Variants in PCDHA4 observed in about 807,000 individuals in gnomAD.
PCDHA4 encodes the protein protocadherin alpha 4, also known as protocadherin alpha-4.
In PCDHA4, 49 loss-of-function variants were observed where a neutral mutation model predicts 61.4. The ratio of observed to expected loss-of-function variants is 0.80; its 90% CI spans 0.63 to 1.01. The LOEUF (loss-of-function observed/expected upper bound fraction) is 1.01, where lower values mean the gene tolerates loss of function less well. Among genes scored for constraint, PCDHA4 ranks in the 50% least tolerant of loss-of-function variants. PCDHA4 has a pLI of 0.00. For synonymous variants in PCDHA4, 590 were observed against 550.3 expected (o/e 1.07, Z -1.01); for missense variants, 1,254 against 1,235.8 (o/e 1.01, Z -0.22).
chr5:140,947,194 G>A (rs2094102779), intron 1 of PCDHA4, among the ~76,000 whole-genome samples: 1 of 151,018 alleles, frequency 6.6e-6, no homozygotes, highest in Admixed American at 6.6e-5. Context: ...ATACTACACA[G>A]CCTTAAAAAA....
Position 140,956,847 on chromosome 5 carries a change from T to G in PCDHA4, c.2386-22102T>G, listed in dbSNP as rs138847680. Among the ~76,000 whole-genome samples the G allele has an allele frequency of 1.6e-4, 24 of 152,262 alleles. 1 individual carries two copies. The East Asian group carries it at 4.6e-3, about 29-fold the overall frequency. ...AATTTAATATTTTTAAATCTTGGGT[T>G]AAATGGTTGAATGAATGTGTGAAAA... On this transcript the variant is annotated intron_variant, in intron 1 of 3. Transcript: ENST00000530339.
chr5:141,004,682 T>G (rs1002761253), intron 3 of PCDHA4, among the ~76,000 whole-genome samples: 2 of 152,184 alleles, frequency 1.3e-5, no homozygotes, highest in South Asian at 4.1e-4. Flanking sequence ...TGTGGAGTGG[T>G]GCTGAAACCC....
At chr5:140,856,784 T>C in intron 1 of PCDHA4, 2 of 1,596,522 alleles carry the variant, frequency 1.3e-6, no homozygotes, top group Non-Finnish European at 1.7e-6. Flanking sequence ...CAGACCGGTT[T>C]ATGAAGTTAA....
intron 1 of PCDHA4, chr5:140,811,754 T>C (rs1241083034): frequency 6.6e-6 from 1 of 152,384 alleles, no homozygotes; most frequent in East Asian, 1.9e-4. Flanking sequence ...TGACCAGTGA[T>C]GATGGGCATT....
At chr5:140,833,928 T>C (rs954480952) in intron 1 of PCDHA4, among the ~76,000 whole-genome samples, 1 of 152,174 alleles carries the variant, frequency 6.6e-6, no homozygotes, top group Admixed American at 6.6e-5. Context: ...TAAATTCATG[T>C]TGTCACTTAG....
intron 1 of PCDHA4, chr5:140,867,134 T>C (rs1162274165): frequency 6.6e-6 from 1 of 152,178 alleles, no homozygotes; most frequent in Non-Finnish European, 1.5e-5. Context: ...AAATATGTGA[T>C]ATTATCATTT....
intron 1 of PCDHA4, among the ~76,000 whole-genome samples, chr5:140,954,899 T>C (rs2095107956): frequency 6.6e-6 from 1 of 152,196 alleles, no homozygotes; most frequent in South Asian, 2.1e-4. Flanking sequence ...GTTTTTATAG[T>C]TTCATACTTT....
At chr5:140,928,298 C>T in intron 1 of PCDHA4, 2 of 1,614,128 alleles carry the variant, frequency 1.2e-6, no homozygotes, top group South Asian at 1.1e-5. Context: ...CGAGTGTTTG[C>T]CCAGGACCCC....
intron 1 of PCDHA4, chr5:140,883,758 G>A (rs781858673): frequency 3.1e-6 from 5 of 1,612,920 alleles, no homozygotes; most frequent in South Asian, 1.1e-5. Context: ...CTGGTGGAGC[G>A]GCGGGTGGGC....
intron 1 of PCDHA4, among the ~76,000 whole-genome samples, chr5:140,937,993 G>A (rs1554211932): frequency 6.6e-6 from 1 of 151,358 alleles, no homozygotes. Flanking sequence ...TGTTAACTTT[G>A]TATCCAATGT....
chr5:140,865,091 A>G (rs1010954942), intron 1 of PCDHA4: 3 of 152,218 alleles, frequency 2.0e-5, no homozygotes, highest in Non-Finnish European at 4.4e-5. Context: ...GATATTAATA[A>G]AGGCACTTCC....
At position 140,968,456 on chromosome 5, in the gene PCDHA4, A is replaced by G. The variant is rs782476018; in HGVS notation, c.2386-10493A>G. ...GAGCCCACCACTGAGCAGCACTGTG[A>G]CTGCCAACGTATATGTGGTGGACAT... On this transcript the variant is annotated intron_variant, in intron 1 of 3. Transcript: ENST00000530339. 82 of 1,613,964 alleles carry G rather than the reference A, an allele frequency of 5.1e-5. No individual in the cohort carries two copies. Among genetic ancestry groups the G allele is most frequent in the Non-Finnish European group, 6.2e-5 (73 of 1,180,022 alleles).
chr5:140,855,103 T>C lies in PCDHA4; in HGVS notation c.2385+45531T>C. Among the ~76,000 whole-genome samples, 2 of 149,938 alleles carry C rather than the reference T, an allele frequency of 1.3e-5. 1 individual carries two copies. The highest frequency in any genetic ancestry group is 3.0e-5 in the Non-Finnish European group (2 of 67,096). On this transcript the variant is annotated intron_variant, in intron 1 of 3. Coordinates refer to ENST00000530339, the MANE Select transcript of PCDHA4 (RefSeq NM_018907.4). ...CCACTCTCAGCCTGTGCAGTAGCAA[T>C]AATTAAGGCATTCTATAGGTAATAA... is the stretch of plus-strand genomic sequence containing the variant.
In PCDHA4 at chr5:140,869,193, G is replaced by C. The variant is rs1215630740; in HGVS notation, c.2385+59621G>C. The C allele has an allele frequency of 1.9e-6, 3 of 1,614,040 alleles. No individual in the cohort carries two copies. In the African/African-American group the frequency reaches 4.0e-5, roughly 22 times the overall value. On this transcript the variant is annotated intron_variant, in intron 1 of 3. Transcript: ENST00000530339. Reference sequence around the variant, plus strand: ...AATTCTGGGAGGTGGGGAGCGGCCAGCTCCACTACTCCGTCTCGGAGGAGG... The same window carrying C: ...AATTCTGGGAGGTGGGGAGCGGCCACCTCCACTACTCCGTCTCGGAGGAGG...
Position 140,928,944 on chromosome 5 carries a change from A to C in PCDHA4, c.2386-50005A>C, listed in dbSNP as rs782627710. The C allele has an allele frequency of 6.2e-6, 10 of 1,614,070 alleles. No homozygotes were observed. In the Admixed American group the frequency reaches 1.7e-4, roughly 27 times the overall value. On this transcript the variant is annotated intron_variant, in intron 1 of 3. Transcript: ENST00000530339. ...AGCTTTCTGCCCAGAACTTGTATTTAGTAATTGCCTTGGCTTGTATTTCCT... is the reference window on the plus strand; with the variant it reads ...AGCTTTCTGCCCAGAACTTGTATTTCGTAATTGCCTTGGCTTGTATTTCCT...
At chr5:140,821,781 A>T in intron 1 of PCDHA4, 2 of 1,609,938 alleles carry the variant, frequency 1.2e-6, no homozygotes, top group Non-Finnish European at 1.7e-6. Flanking sequence ...TTGAGATGGT[A>T]TATTCCCGGA....
intron 1 of PCDHA4, chr5:140,876,161 T>C (rs1582262337): frequency 6.2e-7 from 1 of 1,613,960 alleles, no homozygotes; most frequent in Non-Finnish European, 8.5e-7. Flanking sequence ...CAGATTCAAA[T>C]AACCGTCCTG....
At chr5:140,961,108 C>T (rs1027018505) in intron 1 of PCDHA4, among the ~76,000 whole-genome samples, 1 of 152,174 alleles carries the variant, frequency 6.6e-6, no homozygotes, top group Non-Finnish European at 1.5e-5. Flanking sequence ...CACCCAACCC[C>T]CTTGCATCTT....
Position 140,920,894 on chromosome 5 carries a change from T to G in PCDHA4, c.2386-58055T>G, listed in dbSNP as rs114918834. Among the ~76,000 whole-genome samples the G allele has an allele frequency of 2.6e-3, 390 of 151,496 alleles. 2 individuals carry two copies. The highest frequency in any genetic ancestry group is 9.2e-3 in the African/African-American group (379 of 41,284). Reference sequence around the variant, plus strand: ...GTGGCCCTTAGAACTTAAAGTCATATTTTGGTTCTCAAATCAGTTCCAAGA... The same window carrying G: ...GTGGCCCTTAGAACTTAAAGTCATAGTTTGGTTCTCAAATCAGTTCCAAGA... On this transcript the variant is annotated intron_variant, in intron 1 of 3. Coordinates refer to ENST00000530339, the MANE Select transcript of PCDHA4 (RefSeq NM_018907.4).
Sources: allele counts gnomAD v4.1 joint callset (sites outside exome capture counted in the v4.1 genomes callset), GRCh38; gene constraint gnomAD v4.1.1; transcripts MANE v1.5; gene names NCBI Gene and HGNC (gene_info 2026-07-23, HGNC 2026-07-21).